Variants in RANBP2 observed in about 807,000 individuals in gnomAD.
The protein encoded by RANBP2 is RAN binding protein 2.
Under a neutral mutation model 303.6 loss-of-function variants are expected in RANBP2, and 57 were observed. The observed-to-expected ratio is 0.19, with a 90% CI of 0.15 to 0.23. The LOEUF is 0.23. Ranked by LOEUF, RANBP2 falls within the 10% of genes least tolerant of loss-of-function variation. The pLI, the probability that RANBP2 is intolerant of heterozygous loss-of-function variation, is 1.00. For missense variants in RANBP2, 3,138 were observed against 3,780.8 expected (o/e 0.83, Z 4.46); for synonymous variants, 1,167 against 1,301.5 (o/e 0.90, Z 2.23).
the RANBP2 span, among the ~76,000 whole-genome samples, chr2:109,010,980 T>C: frequency 6.6e-6 from 1 of 152,330 alleles, no homozygotes; most frequent in African/African-American, 2.4e-5. Flanking sequence ...ACATGGCTGC[T>C]GCTTCACCTT....
chr2:109,455,487 C>G, the RANBP2 span, among the ~76,000 whole-genome samples: 3 of 151,952 alleles, frequency 2.0e-5, no homozygotes, highest in East Asian at 5.8e-4. Flanking sequence ...CATGTGTGCA[C>G]CCACCCATTA....
chr2:109,697,618 A>T, the RANBP2 span, among the ~76,000 whole-genome samples: 2 of 152,170 alleles, frequency 1.3e-5, no homozygotes, highest in Admixed American at 1.3e-4. Context: ...CAAAAGTTTA[A>T]GTATCTTTTT....
the RANBP2 span, among the ~76,000 whole-genome samples, chr2:109,362,566 G>T: frequency 6.6e-6 from 1 of 152,162 alleles, no homozygotes; most frequent in Non-Finnish European, 1.5e-5. Flanking sequence ...TTATGTGGAT[G>T]TCAGTTGTAT....
At chr2:109,488,686 A>G in the RANBP2 span, among the ~76,000 whole-genome samples, 2 of 152,338 alleles carry the variant, frequency 1.3e-5, no homozygotes, top group African/African-American at 4.8e-5. Context: ...TGTGCCGCCA[A>G]CAAGAGTTCT....
chr2:108,901,225 G>T, the RANBP2 span, among the ~76,000 whole-genome samples: 1 of 152,076 alleles, frequency 6.6e-6, no homozygotes, highest in Non-Finnish European at 1.5e-5. Context: ...CCAGACAACA[G>T]TCTTCTAAAT....
At chr2:109,681,124 C>A in the RANBP2 span, among the ~76,000 whole-genome samples, 3 of 152,156 alleles carry the variant, frequency 2.0e-5, no homozygotes, top group African/African-American at 4.8e-5. Flanking sequence ...CTTCTCGATG[C>A]GGAGGAATCC....
chr2:109,272,104 G>C, the RANBP2 span, among the ~76,000 whole-genome samples: 2 of 152,178 alleles, frequency 1.3e-5, no homozygotes, highest in Non-Finnish European at 2.9e-5. Flanking sequence ...AGGGCAGCCC[G>C]TCTGCCTCTG....
chr2:109,712,074 G>T, the RANBP2 span, among the ~76,000 whole-genome samples: 4 of 152,122 alleles, frequency 2.6e-5, no homozygotes, highest in Non-Finnish European at 4.4e-5. Flanking sequence ...GCTCCATTTT[G>T]GTTTTGAACA....
chr2:109,612,790 G>A, the RANBP2 span, among the ~76,000 whole-genome samples: 1 of 152,116 alleles, frequency 6.6e-6, no homozygotes, highest in Non-Finnish European at 1.5e-5. Flanking sequence ...TAAAAAATAC[G>A]CGATAGAATG....
At chr2:109,683,752 C>T in the RANBP2 span, among the ~76,000 whole-genome samples, 247 of 152,252 alleles carry the variant, frequency 1.6e-3, no homozygotes, top group African/African-American at 5.0e-3. Flanking sequence ...ACTCTCCACC[C>T]GACCTTTTGT....
At chr2:109,026,128 T>G in the RANBP2 span, among the ~76,000 whole-genome samples, 1 of 151,962 alleles carries the variant, frequency 6.6e-6, no homozygotes, top group Non-Finnish European at 1.5e-5. Flanking sequence ...ACAGCACATT[T>G]TATATTTAAA....
At chr2:109,524,063 C>T in the RANBP2 span, among the ~76,000 whole-genome samples, 2 of 152,210 alleles carry the variant, frequency 1.3e-5, no homozygotes, top group African/African-American at 2.4e-5. Context: ...TCCATGCACA[C>T]CTGCCTGGTC....
the RANBP2 span, among the ~76,000 whole-genome samples, chr2:108,827,289 C>A: frequency 6.6e-6 from 1 of 152,114 alleles, no homozygotes; most frequent in African/African-American, 2.4e-5. Flanking sequence ...AGCAAAAAAT[C>A]TTCCAAATAC....
chr2:109,165,119 C>T, the RANBP2 span, among the ~76,000 whole-genome samples: 1 of 152,300 alleles, frequency 6.6e-6, no homozygotes, highest in African/African-American at 2.4e-5. Flanking sequence ...CTGGCTTCCC[C>T]CCTCCTTTAG....
At chr2:109,135,059 C>T in the RANBP2 span, among the ~76,000 whole-genome samples, 2 of 152,326 alleles carry the variant, frequency 1.3e-5, no homozygotes, top group African/African-American at 4.8e-5. Context: ...TCATTCTCAT[C>T]CCTACCCAGT....
At position 108,766,393 on chromosome 2, in the gene RANBP2, A is replaced by G. The variant is rs758718972; in HGVS notation, c.5854A>G (p.Lys1952Glu). The stretch of plus-strand genomic sequence containing the variant: ...CACTTTTACATTTGCAGATCTTGCA[A>G]AATCAACTTCAGGAGAAGGATTTCA... ...SSTFTFADLA[K>E]STSGEGFQFG... The change falls in exon 20 of 29, where the codon AAA (lysine) becomes GAA (glutamate). Residue 1952 changes from lysine (K) to glutamate (E), a missense_variant. Lys to Glu is a moderately conservative substitution (Grantham distance 56). Transcript: ENST00000283195. The G allele has an allele frequency of 3.1e-6, 5 of 1,611,912 alleles. No individual in the cohort carries two copies. The highest frequency in any genetic ancestry group is 2.5e-6 in the Non-Finnish European group (3 of 1,179,862).
chr2:109,117,159 C>T, the RANBP2 span, among the ~76,000 whole-genome samples: 2 of 152,222 alleles, frequency 1.3e-5, no homozygotes, highest in Non-Finnish European at 2.9e-5. Flanking sequence ...CTGCTCTCTT[C>T]AAAGCTGTCA....
the RANBP2 span, among the ~76,000 whole-genome samples, chr2:109,659,670 C>G: frequency 2.6e-5 from 4 of 152,178 alleles, no homozygotes; most frequent in African/African-American, 9.6e-5. Flanking sequence ...AAAACAATTC[C>G]TAGGTTAGAA....
intron 21 of RANBP2, 83 bp downstream of exon 21, chr2:108,771,954 GC>G: frequency 6.5e-7 from 1 of 1,537,284 alleles, no homozygotes; most frequent in South Asian, 1.1e-5. Flanking sequence ...TTTTAAGCCT[GC>G]CTCTTAGAAC....
Sources: allele counts gnomAD v4.1 joint callset (sites outside exome capture counted in the v4.1 genomes callset), GRCh38; gene constraint gnomAD v4.1.1; transcripts MANE v1.5; gene names NCBI Gene and HGNC (gene_info 2026-07-23, HGNC 2026-07-21).